EPHA7: variants seen among roughly 807,000 people sequenced by gnomAD.
EPHA7 encodes ephrin type-A receptor 7.
Under a neutral mutation model 112.6 loss-of-function variants are expected in EPHA7, and 25 were observed. The observed-to-expected ratio is 0.22, with a 90% confidence interval of 0.16 to 0.31. The LOEUF (loss-of-function observed/expected upper bound fraction) is 0.31. EPHA7 is among the 10% of genes least tolerant of loss of function. The probability of loss-of-function intolerance (pLI) is 1.00; values close to 1 mark genes in which losing one functional copy is unlikely to be tolerated. For missense variants in EPHA7, 962 were observed against 1,212.6 expected, an observed-to-expected ratio of 0.79 and a Z score of 3.07; for synonymous variants, 437 against 406.5, an observed-to-expected ratio of 1.07 and a Z score of -0.90.
chr6:93,409,208 G>A (rs1169404213), intron 3 of EPHA7, among the ~76,000 whole-genome samples: 1 of 151,920 alleles, frequency 6.6e-6, no homozygotes. Flanking sequence ...TGTATATGAG[G>A]CACCTAAACA....
intron 5 of EPHA7, among the ~76,000 whole-genome samples, chr6:93,301,984 G>T (rs1201802950): frequency 8.4e-6 from 1 of 119,726 alleles, no homozygotes; most frequent in African/African-American, 2.9e-5. Context: ...CATCCTCACA[G>T]AATCTTGCTT....
chr6:93,278,247 C>T (rs944669699), intron 5 of EPHA7, among the ~76,000 whole-genome samples: 3 of 152,016 alleles, frequency 2.0e-5, no homozygotes, highest in Admixed American at 2.0e-4. Context: ...TAAACACATA[C>T]TAGGACTCCT....
chr6:93,379,273 T>G (rs1296375455), intron 3 of EPHA7, among the ~76,000 whole-genome samples: 1 of 152,060 alleles, frequency 6.6e-6, no homozygotes, highest in East Asian at 1.9e-4. Flanking sequence ...TGCCTCTTCC[T>G]CCAAAACATA....
intron 3 of EPHA7, among the ~76,000 whole-genome samples, chr6:93,399,599 A>G (rs1460097754): frequency 6.6e-6 from 1 of 152,098 alleles, no homozygotes; most frequent in African/African-American, 2.4e-5. Context: ...TGGAAATCTA[A>G]AAATGATTCA....
intron 5 of EPHA7, among the ~76,000 whole-genome samples, chr6:93,322,926 T>C (rs1774147112): frequency 6.6e-6 from 1 of 151,556 alleles, no homozygotes; most frequent in Non-Finnish European, 1.5e-5. Context: ...TTATCACTTT[T>C]TGAGGGTCAC....
chr6:93,400,761 C>T (rs1310917738), intron 3 of EPHA7, among the ~76,000 whole-genome samples: 6 of 152,018 alleles, frequency 3.9e-5, no homozygotes, highest in African/African-American at 1.2e-4. Flanking sequence ...TGGTCTCAAA[C>T]GTCTGGCCTC....
chr6:93,253,986 C>A, intron 14 of EPHA7, among the ~76,000 whole-genome samples: 1 of 151,832 alleles, frequency 6.6e-6, no homozygotes, highest in Non-Finnish European at 1.5e-5. Context: ...GATGTATACA[C>A]GCTCACATGG....
Position 93,242,102 on chromosome 6 carries a change from T to C in EPHA7, c.*1324A>G, listed in dbSNP as rs1769713604. 5.0e-6 allele frequency: 1 copy of C among 198,086 alleles called. No homozygotes were observed. Among genetic ancestry groups the C allele is most frequent in the Non-Finnish European group, 1.0e-5 (1 of 95,376 alleles). 12.3% of individuals were successfully genotyped at this position (198,086 alleles called of 1,614,324 possible). ...GCAATATCTATAAAGACACATTTAATTATTGCTTATGAAATTCTAACACAG... is the reference window on the plus strand; with the variant it reads ...GCAATATCTATAAAGACACATTTAACTATTGCTTATGAAATTCTAACACAG... On this transcript the variant is annotated 3_prime_UTR_variant, in exon 17 of 17. Transcript: ENST00000369303.
chr6:93,273,917 A>T (rs1771349127), intron 5 of EPHA7, among the ~76,000 whole-genome samples: 1 of 151,926 alleles, frequency 6.6e-6, no homozygotes, highest in Non-Finnish European at 1.5e-5. Flanking sequence ...ACTCCAACTA[A>T]TTGTGACATG....
chr6:93,266,534 G>A (rs1182534640), intron 7 of EPHA7, among the ~76,000 whole-genome samples: 3 of 151,714 alleles, frequency 2.0e-5, no homozygotes, highest in Admixed American at 1.3e-4. Flanking sequence ...CATATTAAAA[G>A]TAATTTGCTA....
chr6:93,269,722 A>T, intron 6 of EPHA7, 62 bp from the exon 7 acceptor site: 5 of 1,318,540 alleles, frequency 3.8e-6, no homozygotes, highest in Non-Finnish European at 4.1e-6. Context: ...TTGACAGCCA[A>T]CTGTTTCAAT....
chr6:93,366,823 TA>T (rs1212334159), intron 3 of EPHA7, among the ~76,000 whole-genome samples: 3 of 152,042 alleles, frequency 2.0e-5, no homozygotes, highest in African/African-American at 7.2e-5. Flanking sequence ...TGTAAATTAT[TA>T]AAAAGAATCA....
chr6:93,305,454 T>C (rs934059656), intron 5 of EPHA7, among the ~76,000 whole-genome samples: 1 of 151,984 alleles, frequency 6.6e-6, no homozygotes, highest in Non-Finnish European at 1.5e-5. Context: ...TCCTCCTACA[T>C]TTCCTCTATA....
At chr6:93,332,818 G>C (rs896890329) in intron 5 of EPHA7, among the ~76,000 whole-genome samples, 17 of 151,576 alleles carry the variant, frequency 1.1e-4, no homozygotes, top group Admixed American at 2.6e-4. Flanking sequence ...CATAAGAAAT[G>C]CTGGCTCAAA....
chr6:93,259,332 G>A (rs980681642), intron 10 of EPHA7, 22 bp downstream of exon 10: 19 of 1,609,494 alleles, frequency 1.2e-5, no homozygotes, highest in Non-Finnish European at 1.5e-5. Flanking sequence ...ACAGCTGAAC[G>A]AGGAAGCTAC....
intron 5 of EPHA7, among the ~76,000 whole-genome samples, chr6:93,332,254 C>CA (rs1008320438): frequency 6.6e-6 from 1 of 150,490 alleles, no homozygotes. Context: ...ATAAAGCAAG[C>CA]AAAAAATAAA....
chr6:93,287,295 C>CT, intron 5 of EPHA7, among the ~76,000 whole-genome samples: 1 of 152,162 alleles, frequency 6.6e-6, no homozygotes, highest in Middle Eastern at 3.4e-3. Flanking sequence ...TGTCCATATT[C>CT]TTTTTCTCCA....
intron 5 of EPHA7, among the ~76,000 whole-genome samples, chr6:93,333,055 G>T (rs763014133): frequency 4.6e-5 from 7 of 151,560 alleles, no homozygotes; most frequent in Non-Finnish European, 8.9e-5. Context: ...CCCTCAAGTA[G>T]CCCTGATATC....
At chr6:93,336,595 G>C (rs1273117135) in intron 5 of EPHA7, among the ~76,000 whole-genome samples, 1 of 152,016 alleles carries the variant, frequency 6.6e-6, no homozygotes, top group Non-Finnish European at 1.5e-5. Context: ...TAGAGACGGG[G>C]TTTCACTGTG....
Sources: allele counts gnomAD v4.1 joint callset (sites outside exome capture counted in the v4.1 genomes callset), GRCh38; gene constraint gnomAD v4.1.1; transcripts MANE v1.5; gene names NCBI Gene and HGNC (gene_info 2026-07-23, HGNC 2026-07-21).